The following DNAI4 variants were observed in gnomAD, a reference collection of about 807,000 sequenced individuals.
DNAI4 encodes the protein WD repeat domain 78.
Under a neutral mutation model 105.8 loss-of-function variants are expected in DNAI4, and 85 were observed. The ratio of observed to expected loss-of-function variants is 0.80; its 90% CI spans 0.67 to 0.96. The LOEUF (loss-of-function observed/expected upper bound fraction) is 0.96, where lower values mean the gene tolerates loss of function less well. Ranked by LOEUF, DNAI4 falls within the 40% of genes least tolerant of loss-of-function variation. The pLI, the probability that DNAI4 is intolerant of heterozygous loss-of-function variation, is 0.00. For missense variants in DNAI4, 1,014 were observed against 1,005.6 expected (o/e 1.01, Z -0.11); for synonymous variants, 352 against 331.5 (o/e 1.06, Z -0.67).
intron 16 of DNAI4, among the ~76,000 whole-genome samples, chr1:66,814,516 G>A (rs773696824): frequency 3.3e-5 from 5 of 151,910 alleles, no homozygotes; most frequent in Admixed American, 6.6e-5. Context: ...CTACAGGCAC[G>A]TGCCACCACG....
intron 4 of DNAI4, among the ~76,000 whole-genome samples, chr1:66,881,541 C>T (rs928894851): frequency 6.6e-6 from 1 of 152,114 alleles, no homozygotes; most frequent in African/African-American, 2.4e-5. Context: ...GGCCTGTAGC[C>T]CCTTTGTTTT....
intron 9 of DNAI4, among the ~76,000 whole-genome samples, chr1:66,838,859 C>T (rs1177178690): frequency 1.3e-5 from 2 of 152,174 alleles, no homozygotes; most frequent in African/African-American, 4.8e-5. Flanking sequence ...TTATTTTCCT[C>T]ATCATAGCAC....
At chr1:66,915,534 A>G (rs974274878) in intron 1 of DNAI4, among the ~76,000 whole-genome samples, 28 of 152,246 alleles carry the variant, frequency 1.8e-4, no homozygotes, top group Admixed American at 2.0e-4. Flanking sequence ...AAATACTTGT[A>G]GACAAACTTG....
intron 3 of DNAI4, among the ~76,000 whole-genome samples, chr1:66,892,094 G>A (rs990053208): frequency 6.6e-5 from 10 of 152,114 alleles, no homozygotes; most frequent in Non-Finnish European, 1.2e-4. Flanking sequence ...ATAAATCAAT[G>A]GAAGAATCCA....
At chr1:66,895,134 A>T (rs769768299) in intron 2 of DNAI4, among the ~76,000 whole-genome samples, 5 of 152,188 alleles carry the variant, frequency 3.3e-5, no homozygotes, top group Admixed American at 6.5e-5. Flanking sequence ...ATATTTTTCC[A>T]CAAGTGCTTG....
At chr1:66,846,417 T>A (rs913382454) in intron 8 of DNAI4, among the ~76,000 whole-genome samples, 5 of 152,284 alleles carry the variant, frequency 3.3e-5, no homozygotes, top group Admixed American at 1.3e-4. Flanking sequence ...GTTTCCTTAA[T>A]CCATCTTTGA....
chr1:66,826,858 A>T lies in DNAI4; in HGVS notation c.2301T>A (p.Asn767Lys), dbSNP rs1398191364. ...PKSSYIFAAA[N>K]ENRVEIWDLH... ...GGTCCCAAATCTCCACCCTGTTCTC[A>T]TTTGCAGCTGCAAATATATAGGATG... is the stretch of plus-strand genomic sequence containing the variant. Residue 767 changes from asparagine (N) to lysine (K), a missense_variant, in exon 15 of 17, where the codon AAT becomes AAA. Coordinates refer to ENST00000371026, the MANE Select transcript of DNAI4 (RefSeq NM_024763.5). The T allele has an allele frequency of 4.3e-6, 7 of 1,613,970 alleles. No individual in the cohort carries two copies. Among genetic ancestry groups the T allele is most frequent in the Non-Finnish European group, 5.9e-6 (7 of 1,179,990 alleles).
At chr1:66,894,422 T>C (rs972081024) in intron 2 of DNAI4, among the ~76,000 whole-genome samples, 2 of 152,222 alleles carry the variant, frequency 1.3e-5, no homozygotes, top group Non-Finnish European at 1.5e-5. Context: ...TTCAGTTGTA[T>C]GAGCTGCAAA....
intron 16 of DNAI4, among the ~76,000 whole-genome samples, chr1:66,820,503 T>TG (rs1460404992): frequency 6.6e-6 from 1 of 151,986 alleles, no homozygotes; most frequent in Non-Finnish European, 1.5e-5. Flanking sequence ...ATTCTAGGTG[T>TG]GGGACACAGG....
intron 16 of DNAI4, among the ~76,000 whole-genome samples, chr1:66,817,524 G>T (rs908892854): frequency 6.6e-6 from 1 of 151,520 alleles, no homozygotes; most frequent in Admixed American, 6.6e-5. Context: ...AGTGAGCCAA[G>T]ATCAGGCCAC....
intron 8 of DNAI4, 129 bp downstream of exon 8, chr1:66,847,355 A>G: frequency 1.2e-6 from 1 of 802,886 alleles, no homozygotes; most frequent in Non-Finnish European, 2.0e-6. Context: ...GTGCAGTGGC[A>G]TGATCATAGC....
chr1:66,852,392 T>C (rs983244537), intron 7 of DNAI4, among the ~76,000 whole-genome samples: 1 of 151,882 alleles, frequency 6.6e-6, no homozygotes, highest in Non-Finnish European at 1.5e-5. Context: ...GAAACTATTA[T>C]AATAAAGTGA....
intron 8 of DNAI4, among the ~76,000 whole-genome samples, chr1:66,847,273 A>G (rs1646296737): frequency 6.6e-6 from 1 of 152,114 alleles, no homozygotes; most frequent in Non-Finnish European, 1.5e-5. Flanking sequence ...AAATTATTTG[A>G]GTTTGTCTAA....
intron 4 of DNAI4, among the ~76,000 whole-genome samples, chr1:66,884,342 T>G (rs780066302): frequency 1.1e-4 from 16 of 152,178 alleles, no homozygotes; most frequent in Admixed American, 1.3e-4. Flanking sequence ...TACCCAGAAG[T>G]AGGATTGCTG....
At chr1:66,835,386 A>G (rs1270668595) in intron 11 of DNAI4, among the ~76,000 whole-genome samples, 1 of 152,246 alleles carries the variant, frequency 6.6e-6, no homozygotes, top group Admixed American at 6.5e-5. Flanking sequence ...GTTTAAGAAT[A>G]AGCATAAACT....
chr1:66,825,448 TG>T (rs752074298), intron 15 of DNAI4, among the ~76,000 whole-genome samples: 1 of 152,158 alleles, frequency 6.6e-6, no homozygotes, highest in African/African-American at 2.4e-5. Flanking sequence ...CCCAAAGTGC[TG>T]GGATTACAGG....
intron 8 of DNAI4, among the ~76,000 whole-genome samples, chr1:66,841,704 G>A (rs747138793): frequency 2.0e-5 from 3 of 152,102 alleles, no homozygotes; most frequent in Non-Finnish European, 4.4e-5. Flanking sequence ...TGCCACATAT[G>A]TGAGTTGAAT....
intron 7 of DNAI4, among the ~76,000 whole-genome samples, chr1:66,848,711 G>A (rs1646331057): frequency 6.6e-6 from 1 of 152,160 alleles, no homozygotes; most frequent in Non-Finnish European, 1.5e-5. Context: ...TTCCAGATAT[G>A]GAGCTGAAGA....
At chr1:66,841,492 T>C (rs1240107615) in intron 8 of DNAI4, among the ~76,000 whole-genome samples, 1 of 152,194 alleles carries the variant, frequency 6.6e-6, no homozygotes, top group Non-Finnish European at 1.5e-5. Context: ...ATAATAATAA[T>C]CCACTGTCAT....
Sources: gnomAD v4.1 joint callset for allele counts (sites outside exome capture counted in the v4.1 genomes callset) on GRCh38, gnomAD v4.1.1 for gene constraint, MANE v1.5 for transcripts, NCBI Gene and HGNC (gene_info 2026-07-23, HGNC 2026-07-21) for gene names.